The following CTNNA1 variants were observed in gnomAD, a reference collection of about 807,000 sequenced individuals.
CTNNA1 encodes the protein catenin alpha-1.
CTNNA1 carries 37 observed loss-of-function variants against 98.4 expected under a neutral mutation model. The observed-to-expected ratio is 0.38, with a 90% confidence interval of 0.29 to 0.49. CTNNA1 has a LOEUF of 0.49. Ranked by LOEUF, CTNNA1 falls within the 20% of genes least tolerant of loss-of-function variation. The pLI is 0.95. For synonymous variants in CTNNA1, 404 were observed against 413.2 expected, an observed-to-expected ratio of 0.98 and a Z score of 0.27; for missense variants, 761 against 1,147.2, an observed-to-expected ratio of 0.66 and a Z score of 4.86.
At chr5:138,895,530 T>G (rs961166488) in intron 9 of CTNNA1, among the ~76,000 whole-genome samples, 2 of 151,714 alleles carry the variant, frequency 1.3e-5, no homozygotes, top group Non-Finnish European at 1.5e-5. Flanking sequence ...GTGGCTAGAA[T>G]GAAGCTTTCA....
chr5:138,791,897 A>G (rs538121034), intron 3 of CTNNA1, among the ~76,000 whole-genome samples: 59 of 150,634 alleles, frequency 3.9e-4, no homozygotes, highest in African/African-American at 1.4e-3. Flanking sequence ...ACATGTGCAC[A>G]GCATGCAGGT....
intron 7 of CTNNA1, chr5:138,875,603 T>G (rs1256571060): frequency 1.0e-6 from 1 of 985,130 alleles, no homozygotes; most frequent in Admixed American, 6.2e-5. Context: ...GAACAGTGAG[T>G]TGGGTTAGCA....
intron 7 of CTNNA1, among the ~76,000 whole-genome samples, chr5:138,885,853 C>A (rs990588079): frequency 1.3e-5 from 2 of 152,170 alleles, no homozygotes; most frequent in African/African-American, 4.8e-5. Flanking sequence ...CCTGTTCTTG[C>A]TGCAGTTCAA....
At chr5:138,806,790 T>C (rs1365454486) in intron 3 of CTNNA1, among the ~76,000 whole-genome samples, 2 of 152,002 alleles carry the variant, frequency 1.3e-5, no homozygotes, top group African/African-American at 4.8e-5. Context: ...ACAAGCCTTA[T>C]TGTATACCTC....
At chr5:138,916,976 G>A (rs1328397032) in intron 10 of CTNNA1, among the ~76,000 whole-genome samples, 1 of 151,364 alleles carries the variant, frequency 6.6e-6, no homozygotes, top group Non-Finnish European at 1.5e-5. Flanking sequence ...GTTTCACCAT[G>A]TTGGTCAGGC....
rs539578621 is a variant in CTNNA1 at position 138,907,782 on chromosome 5, A to C, written c.1389+3341A>C. Among the ~76,000 whole-genome samples, 20 of 152,226 alleles carry C rather than the reference A, an allele frequency of 1.3e-4. No homozygotes were observed. The South Asian group carries it at 4.0e-3, about 30-fold the overall frequency. The stretch of plus-strand genomic sequence containing the variant: ...AAGGCTACTGTTGACCTCTCTTCAC[A>C]GTGTGGAAGAGGTGCTCAGTGCTTC... On this transcript the variant is annotated intron_variant, in intron 10 of 17. Transcript: ENST00000302763.
intron 7 of CTNNA1, among the ~76,000 whole-genome samples, chr5:138,885,624 A>G (rs1216848195): frequency 6.6e-6 from 1 of 152,166 alleles, no homozygotes; most frequent in African/African-American, 2.4e-5. Flanking sequence ...TTTCTGTGCA[A>G]TATAACTGCA....
intron 7 of CTNNA1, chr5:138,871,673 C>T (rs1750638237): frequency 3.9e-5 from 6 of 152,186 alleles, no homozygotes; most frequent in Admixed American, 3.9e-4. Flanking sequence ...CCTTTTAATC[C>T]CTCACCTCTG....
At chr5:138,771,452 G>A (rs1753544203) in intron 1 of CTNNA1, among the ~76,000 whole-genome samples, 2 of 152,170 alleles carry the variant, frequency 1.3e-5, no homozygotes, top group Admixed American at 1.3e-4. Flanking sequence ...CATGATCATG[G>A]CTCGCTGCAG....
chr5:138,796,789 G>A (rs1007818817), intron 3 of CTNNA1, among the ~76,000 whole-genome samples: 2 of 152,078 alleles, frequency 1.3e-5, no homozygotes, highest in African/African-American at 4.8e-5. Flanking sequence ...TTTAGCGCAG[G>A]GCTGTTTTTG....
intron 5 of CTNNA1, among the ~76,000 whole-genome samples, chr5:138,813,557 TG>T (rs1759068858): frequency 6.6e-6 from 1 of 152,176 alleles, no homozygotes; most frequent in East Asian, 1.9e-4. Flanking sequence ...GGAATGGATT[TG>T]GGTAGGCAAC....
chr5:138,884,798 G>A (rs2150014228), intron 7 of CTNNA1, among the ~76,000 whole-genome samples: 1 of 152,244 alleles, frequency 6.6e-6, no homozygotes, highest in Non-Finnish European at 1.5e-5. Context: ...TGAGAAGGGG[G>A]TCCATTCAGT....
intron 4 of CTNNA1, among the ~76,000 whole-genome samples, chr5:138,810,879 G>A (rs1164176275): frequency 6.6e-5 from 10 of 151,184 alleles, no homozygotes; most frequent in East Asian, 2.0e-4. Context: ...GGGCAGAGGC[G>A]CCCCTCACCT....
chr5:138,825,847 C>T (rs926487364), intron 6 of CTNNA1, among the ~76,000 whole-genome samples: 2 of 152,114 alleles, frequency 1.3e-5, no homozygotes, highest in African/African-American at 2.4e-5. Context: ...TTATAACAAA[C>T]TCTTATGGTG....
chr5:138,872,133 C>T (rs977050184), intron 7 of CTNNA1: 4 of 149,658 alleles, frequency 2.7e-5, no homozygotes, highest in African/African-American at 9.8e-5. Context: ...TGTTTATCTC[C>T]AAAATATCTT....
rs28363395 is a variant in CTNNA1 at position 138,812,260 on chromosome 5, T to A, written c.546T>A (p.Pro182=). The A allele has an allele frequency of 6.2e-7, 1 of 1,613,764 alleles. No homozygotes were observed. The highest frequency in any genetic ancestry group is 1.3e-5 in the African/African-American group (1 of 74,862). ...GAATCCAGTATAAAGCCCTAAAACC[T>A]GAAGTGGATAAGCTGAACATTATGG... The part of the protein sequence containing the change: ...DLGIQYKALK[P]EVDKLNIMAA... Residue 182 remains proline, a synonymous_variant, in exon 5 of 18, where the codon CCT becomes CCA. Coordinates refer to ENST00000302763, the MANE Select transcript of CTNNA1 (RefSeq NM_001903.5).
intron 9 of CTNNA1, chr5:138,891,114 C>T (rs999956881): frequency 6.6e-6 from 1 of 152,196 alleles, no homozygotes; most frequent in African/African-American, 2.4e-5. Context: ...TTATTGGGTG[C>T]TATTTGCTTT....
intron 7 of CTNNA1, among the ~76,000 whole-genome samples, chr5:138,840,743 A>T (rs201210947): frequency 6.6e-6 from 1 of 151,264 alleles, no homozygotes; most frequent in South Asian, 2.1e-4. Context: ...ACATTTTTTT[A>T]AAATTAGGTG....
chr5:138,811,267 A>G (rs1391424753), intron 4 of CTNNA1, among the ~76,000 whole-genome samples: 1 of 131,410 alleles, frequency 7.6e-6, no homozygotes, highest in Non-Finnish European at 1.6e-5. Flanking sequence ...GGCGCTCCTC[A>G]CATCCCAGAC....
Sources: gnomAD v4.1 joint callset for allele counts (sites outside exome capture counted in the v4.1 genomes callset) on GRCh38, gnomAD v4.1.1 for gene constraint, MANE v1.5 for transcripts, NCBI Gene and HGNC (gene_info 2026-07-23, HGNC 2026-07-21) for gene names.